The following NIPA1 variants were observed in gnomAD, a reference collection of about 807,000 sequenced individuals.
NIPA1 encodes NIPA magnesium transporter 1.
In NIPA1, 13 loss-of-function variants were observed where a neutral mutation model predicts 23.9. The ratio of observed to expected loss-of-function variants is 0.54; its 90% CI spans 0.35 to 0.87. The LOEUF is 0.87. Ranked by LOEUF, NIPA1 falls within the 40% of genes least tolerant of loss-of-function variation. NIPA1 has a pLI of 0.01. For missense variants in NIPA1, 362 were observed against 429.7 expected (o/e 0.84, Z 1.39); for synonymous variants, 234 against 202.9 (o/e 1.15, Z -1.30).
At chr15:22,818,899 G>T (rs1809595910) in intron 3 of NIPA1, among the ~76,000 whole-genome samples, 1 of 152,158 alleles carries the variant, frequency 6.6e-6, no homozygotes, top group African/African-American at 2.4e-5. Context: ...CCACTTTCGT[G>T]CATGGCAACC....
At chr15:22,806,048 C>T (rs897373466) in intron 1 of NIPA1, among the ~76,000 whole-genome samples, 2 of 152,090 alleles carry the variant, frequency 1.3e-5, no homozygotes, top group African/African-American at 4.8e-5. Flanking sequence ...CTCAGCCTCC[C>T]GAATAGCTGG....
chr15:22,804,391 G>A (rs1234555951), intron 1 of NIPA1, among the ~76,000 whole-genome samples: 1 of 152,140 alleles, frequency 6.6e-6, no homozygotes, highest in Non-Finnish European at 1.5e-5. Flanking sequence ...AAAGTGCTAG[G>A]ATTACAGTCA....
chr15:22,793,717 C>T (rs1894883714), intron 1 of NIPA1, among the ~76,000 whole-genome samples: 1 of 152,098 alleles, frequency 6.6e-6, no homozygotes, highest in Non-Finnish European at 1.5e-5. Flanking sequence ...ATGTTTAAGT[C>T]TTTAGTCTAT....
chr15:22,824,032 G>C lies in NIPA1; in HGVS notation c.783G>C (p.Gly261=). ...AGTGCTTCGACTCCTCGGTGTTCGG[G>C]GCCATCTACTACGTCGTGTTTACCA... The part of the protein sequence containing the change: ...ALECFDSSVF[G]AIYYVVFTTL... The change falls in exon 5 of 5, where the codon GGG becomes GGC. Residue 261 remains glycine, a synonymous_variant. Transcript: ENST00000337435. The surrounding 1 kb of genome is among the most constrained non-coding windows in gnomAD (Gnocchi z 4.1). The C allele has an allele frequency of 6.2e-7, 1 of 1,614,102 alleles. No homozygotes were observed.
rs767244845 is a variant in NIPA1 at position 22,810,732 on chromosome 15, T to A, written c.179-17T>A. The A allele has an allele frequency of 6.5e-5, 103 of 1,573,204 alleles. 2 individuals carry two copies. In the South Asian group the frequency reaches 1.1e-3, roughly 16 times the overall value. On this transcript the variant is annotated splice_polypyrimidine_tract_variant and intron_variant, in intron 1 of 4. Coordinates refer to ENST00000337435, the MANE Select transcript of NIPA1 (RefSeq NM_144599.5). ...GTAAACCCACTTTTCTGACATTTTT[T>A]ATCTCATTTTTTATAGGTACTTCCT...
intron 1 of NIPA1, among the ~76,000 whole-genome samples, chr15:22,799,411 G>T (rs759039125): frequency 6.6e-6 from 1 of 152,096 alleles, no homozygotes; most frequent in Non-Finnish European, 1.5e-5. Flanking sequence ...GTAATCTGCC[G>T]AGGTGGGCAG....
At chr15:22,813,093 CTGAG>C (rs1895350778) in intron 3 of NIPA1, among the ~76,000 whole-genome samples, 9 of 151,842 alleles carry the variant, frequency 5.9e-5, no homozygotes. Context: ...GGGTTTGGTT[CTGAG>C]TGAGACGAGT....
intron 3 of NIPA1, among the ~76,000 whole-genome samples, chr15:22,816,439 G>C (rs918417461): frequency 2.1e-5 from 3 of 144,408 alleles, no homozygotes; most frequent in African/African-American, 7.7e-5. Flanking sequence ...TGCCTGCCTC[G>C]GCCTCCCAAA....
intron 3 of NIPA1, among the ~76,000 whole-genome samples, chr15:22,812,569 C>G (rs1402418408): frequency 2.6e-5 from 4 of 151,766 alleles, no homozygotes; most frequent in African/African-American, 9.7e-5. Flanking sequence ...ACAAGAATTG[C>G]TTGAACCTGG....
At chr15:22,817,421 C>A (rs968246822) in intron 3 of NIPA1, among the ~76,000 whole-genome samples, 1 of 151,188 alleles carries the variant, frequency 6.6e-6, no homozygotes, top group African/African-American at 2.4e-5. Flanking sequence ...ATCGCTTGAA[C>A]CCAGTAGGCA....
At chr15:22,809,913 C>A (rs1438939388) in intron 1 of NIPA1, among the ~76,000 whole-genome samples, 4 of 152,084 alleles carry the variant, frequency 2.6e-5, no homozygotes, top group Non-Finnish European at 5.9e-5. Context: ...CATGGTGGCA[C>A]ATGCCTGTAA....
chr15:22,800,187 C>A (rs1895046087), intron 1 of NIPA1, among the ~76,000 whole-genome samples: 1 of 152,052 alleles, frequency 6.6e-6, no homozygotes, highest in South Asian at 2.1e-4. Context: ...AACAAATCAT[C>A]CTTCCTCAGC....
rs368394269 is a variant in NIPA1 at position 22,824,077 on chromosome 15, A to G, written c.828A>G (p.Ser276=). The G allele has an allele frequency of 1.2e-6, 2 of 1,614,012 alleles. No homozygotes were observed. Among genetic ancestry groups the G allele is most frequent in the Non-Finnish European group, 8.5e-7 (1 of 1,180,004 alleles). ...VVFTTLVLLA[S]AILFREWSNV... The stretch of plus-strand genomic sequence containing the variant: ...TTACCACGCTGGTCCTGCTGGCCTC[A>G]GCCATCCTCTTCCGGGAGTGGAGCA... The change falls in exon 5 of 5, where the codon TCA becomes TCG. Residue 276 remains serine (S), a synonymous_variant. Transcript: ENST00000337435. The surrounding 1 kb of genome is among the most constrained non-coding windows in gnomAD (Gnocchi z 4.1).
chr15:22,791,832 A>G (rs1278081494), intron 1 of NIPA1, among the ~76,000 whole-genome samples: 1 of 152,200 alleles, frequency 6.6e-6, no homozygotes, highest in Non-Finnish European at 1.5e-5. Flanking sequence ...CCAGTAGTCC[A>G]GGGAGCGTCG....
intron 1 of NIPA1, among the ~76,000 whole-genome samples, chr15:22,804,776 A>G (rs1013219851): frequency 2.6e-5 from 4 of 151,982 alleles, no homozygotes; most frequent in African/African-American, 4.8e-5. Context: ...TCTGAACTCT[A>G]TTCCGTTGTG....
rs1235395631 is a variant in NIPA1, at chr15:22,812,228, C to A, written c.292C>A (p.Leu98Met). The A allele has an allele frequency of 1.2e-6, 2 of 1,613,708 alleles. No individual in the cohort carries two copies. Among genetic ancestry groups the A allele is most frequent in the Non-Finnish European group, 1.7e-6 (2 of 1,179,644 alleles). ...GGTCCCCACGGTCCTGGTAACCCCC[C>A]TGGGCGCCCTTGGAGTACCGTTCGG... ...TAVPTVLVTP[L>M]GALGVPFGSI... Residue 98 changes from leucine (L) to methionine (M), a missense_variant, in exon 3 of 5, where the codon CTG becomes ATG. Around this residue, in one of 2 missense-constraint regions of NIPA1, gnomAD observed 277 missense variants for 372.0 expected, o/e 0.74. Coordinates refer to ENST00000337435, the MANE Select transcript of NIPA1 (RefSeq NM_144599.5).
Position 22,786,718 on chromosome 15 carries a change from G to A in NIPA1, c.62G>A (p.Arg21His), listed in dbSNP as rs1351929926. 2 of 1,204,606 alleles carry A rather than the reference G, an allele frequency of 1.7e-6. No individual in the cohort carries two copies. Among genetic ancestry groups the A allele is most frequent in the Non-Finnish European group, 2.1e-6 (2 of 953,906 alleles). The allele number at this position is 1,204,606 out of a possible 1,614,324, so 74.6% of individuals were successfully genotyped here. A position where few individuals can be genotyped will look rare whatever the true frequency, so the allele number is the denominator to read the frequency against. Residue 21 changes from arginine (R) to histidine (H), a missense_variant, in exon 1 of 5, where the codon CGT (arginine) becomes CAT (histidine). Around this residue, in one of 2 missense-constraint regions of NIPA1, gnomAD observed 85 missense variants for 57.7 expected, o/e 1.47. Transcript: ENST00000337435. ...AAAAAAGEGA[R>H]SPSPAAVSLG... ...GCGGCGGCGGCCGGGGAGGGGGCGCGTAGCCCGAGCCCCGCCGCCGTGTCG... is the reference window on the plus strand; with the variant it reads ...GCGGCGGCGGCCGGGGAGGGGGCGCATAGCCCGAGCCCCGCCGCCGTGTCG...
chr15:22,815,623 C>T (rs1431713087), intron 3 of NIPA1, among the ~76,000 whole-genome samples: 2 of 150,892 alleles, frequency 1.3e-5, no homozygotes, highest in Non-Finnish European at 2.9e-5. Context: ...CCCTCCCCCG[C>T]CCCCCAAAAA....
chr15:22,809,212 C>T (rs1895271829), intron 1 of NIPA1, among the ~76,000 whole-genome samples: 1 of 151,870 alleles, frequency 6.6e-6, no homozygotes, highest in Non-Finnish European at 1.5e-5. Context: ...TATAGCAAAA[C>T]CCCCTCTCTA....
Sources: allele counts gnomAD v4.1 joint callset (sites outside exome capture counted in the v4.1 genomes callset), GRCh38; gene constraint gnomAD v4.1.1; regional missense constraint gnomAD v4.1.1; non-coding constraint Gnocchi (gnomAD v3.1); transcripts MANE v1.5; gene names NCBI Gene and HGNC (gene_info 2026-07-23, HGNC 2026-07-21).